The following KCNH7 variants were observed in gnomAD, a reference collection of about 807,000 sequenced individuals.
The protein encoded by KCNH7 is potassium voltage-gated channel subfamily H member 7.
In KCNH7, 49 loss-of-function variants were observed where a neutral mutation model predicts 120.8. The observed-to-expected ratio is 0.41, with a 90% CI of 0.32 to 0.51. The LOEUF (loss-of-function observed/expected upper bound fraction) is 0.51. Among genes scored for constraint, KCNH7 ranks in the 20% least tolerant of loss-of-function variants. KCNH7 has a pLI of 0.38. For missense variants in KCNH7, 1,097 were observed against 1,446.6 expected (o/e 0.76, Z 3.92); for synonymous variants, 547 against 516.1 (o/e 1.06, Z -0.81).
At chr2:162,573,772 T>G (rs1159971117) in intron 2 of KCNH7, among the ~76,000 whole-genome samples, 3 of 152,182 alleles carry the variant, frequency 2.0e-5, no homozygotes, top group Middle Eastern at 3.4e-3. Context: ...TATGGTATAC[T>G]TGACTGCTTT....
At chr2:162,439,850 T>TA (rs1211806669) in intron 7 of KCNH7, among the ~76,000 whole-genome samples, 1 of 151,670 alleles carries the variant, frequency 6.6e-6, no homozygotes, top group Non-Finnish European at 1.5e-5. Context: ...ATATATATTC[T>TA]AAACAATGAA....
intron 2 of KCNH7, among the ~76,000 whole-genome samples, chr2:162,565,648 A>G (rs1460767432): frequency 6.6e-6 from 1 of 152,082 alleles, no homozygotes; most frequent in African/African-American, 2.4e-5. Flanking sequence ...TCCATCGTTA[A>G]ATACATACAA....
intron 2 of KCNH7, among the ~76,000 whole-genome samples, chr2:162,810,500 A>G (rs530234012): frequency 6.6e-6 from 1 of 152,138 alleles, no homozygotes. Flanking sequence ...GAAATGTTTT[A>G]TACTGCATTT....
At chr2:162,743,423 C>T (rs374975677) in intron 2 of KCNH7, among the ~76,000 whole-genome samples, 1 of 151,740 alleles carries the variant, frequency 6.6e-6, no homozygotes, top group African/African-American at 2.4e-5. Flanking sequence ...AAGTGACAAA[C>T]CAGAGGCTAT....
intron 2 of KCNH7, among the ~76,000 whole-genome samples, chr2:162,708,566 A>G (rs1372704487): frequency 6.6e-6 from 1 of 152,024 alleles, no homozygotes; most frequent in Non-Finnish European, 1.5e-5. Context: ...AAGCTCAGGA[A>G]GCTCATCTTC....
At chr2:162,503,466 G>A (rs1690757981) in intron 6 of KCNH7, among the ~76,000 whole-genome samples, 1 of 151,902 alleles carries the variant, frequency 6.6e-6, no homozygotes, top group Non-Finnish European at 1.5e-5. Flanking sequence ...CTCAAGAATG[G>A]CGTGTATAAT....
chr2:162,782,531 G>A (rs2105497785), intron 2 of KCNH7, among the ~76,000 whole-genome samples: 1 of 152,288 alleles, frequency 6.6e-6, no homozygotes, highest in South Asian at 2.1e-4. Context: ...GGAGCTGAGG[G>A]AAGGAGAGAG....
chr2:162,622,301 G>A (rs1000854904), intron 2 of KCNH7, among the ~76,000 whole-genome samples: 11 of 152,282 alleles, frequency 7.2e-5, no homozygotes, highest in Non-Finnish European at 1.3e-4. Context: ...TGGAGGCTTC[G>A]CTTTTGCGAG....
intron 2 of KCNH7, among the ~76,000 whole-genome samples, chr2:162,760,466 G>A (rs1688932459): frequency 6.6e-6 from 1 of 151,856 alleles, no homozygotes; most frequent in African/African-American, 2.4e-5. Flanking sequence ...AAATTTAGGG[G>A]ACCCATGCAA....
chr2:162,838,343 G>C, intron 1 of KCNH7, 100 bp downstream of exon 1: 2 of 925,516 alleles, frequency 2.2e-6, no homozygotes, highest in Non-Finnish European at 3.5e-6. Context: ...TAAGTTGACA[G>C]AGCCTGGAGT....
chr2:162,560,298 G>A (rs1693015348), intron 2 of KCNH7, among the ~76,000 whole-genome samples: 1 of 152,192 alleles, frequency 6.6e-6, no homozygotes, highest in Non-Finnish European at 1.5e-5. Flanking sequence ...TCTGGACTTA[G>A]AGATGTCTGT....
chr2:162,630,575 T>TTTA (rs1398191594), intron 2 of KCNH7, among the ~76,000 whole-genome samples: 1 of 152,120 alleles, frequency 6.6e-6, no homozygotes, highest in Admixed American at 6.6e-5. Context: ...TCTTTCTTCC[T>TTTA]AAAAAGATAG....
chr2:162,545,350 G>A (rs1366538510), intron 2 of KCNH7, among the ~76,000 whole-genome samples: 1 of 152,166 alleles, frequency 6.6e-6, no homozygotes. Context: ...ATAACATCTA[G>A]CTCCTTGGAA....
intron 2 of KCNH7, among the ~76,000 whole-genome samples, chr2:162,753,538 T>C (rs1250437121): frequency 1.3e-5 from 2 of 152,126 alleles, no homozygotes; most frequent in African/African-American, 4.8e-5. Flanking sequence ...ATCCTAATGG[T>C]GGTGCTAAAG....
intron 6 of KCNH7, among the ~76,000 whole-genome samples, chr2:162,489,175 C>T (rs1690205907): frequency 6.6e-6 from 1 of 152,160 alleles, no homozygotes; most frequent in Admixed American, 6.5e-5. Context: ...AACACACACT[C>T]TTATTTTGTA....
intron 6 of KCNH7, among the ~76,000 whole-genome samples, chr2:162,487,319 C>T (rs1373733664): frequency 1.3e-5 from 2 of 152,148 alleles, no homozygotes; most frequent in Non-Finnish European, 2.9e-5. Flanking sequence ...ATCTTTTGAG[C>T]TTCTTCAACT....
chr2:162,591,189 A>G (rs1559033114), intron 2 of KCNH7, among the ~76,000 whole-genome samples: 1 of 152,020 alleles, frequency 6.6e-6, no homozygotes, highest in African/African-American at 2.4e-5. Flanking sequence ...TATCTTACTT[A>G]TACATCACCC....
chr2:162,384,601 G>T, intron 13 of KCNH7, 87 bp downstream of exon 13: 1 of 1,212,158 alleles, frequency 8.2e-7, no homozygotes, highest in Non-Finnish European at 1.2e-6. Context: ...AGATTAACAT[G>T]TGTCAGTACA....
chr2:162,748,910 CCTTCCCTTCCCTTT>C (rs1295242908), intron 2 of KCNH7, among the ~76,000 whole-genome samples: 7 of 70,752 alleles, frequency 9.9e-5, no homozygotes, highest in African/African-American at 5.1e-4. Flanking sequence ...TTCCTTCCTT[CCTTCCCTTCCCTTT>C]CCTTTCCTTC....
Sources: allele counts gnomAD v4.1 joint callset (sites outside exome capture counted in the v4.1 genomes callset), GRCh38; gene constraint gnomAD v4.1.1; transcripts MANE v1.5; gene names NCBI Gene and HGNC (gene_info 2026-07-23, HGNC 2026-07-21).